The following MAST4 variants were observed in gnomAD, a reference collection of about 807,000 sequenced individuals.
MAST4 encodes the protein microtubule associated serine/threonine kinase family member 4.
Under a neutral mutation model 162.7 loss-of-function variants are expected in MAST4, and 89 were observed. The ratio of observed to expected loss-of-function variants is 0.55; its 90% CI spans 0.46 to 0.65. The LOEUF is 0.65. Among genes scored for constraint, MAST4 ranks in the 30% least tolerant of loss-of-function variants. MAST4 has a pLI of 0.00. For missense variants in MAST4, 3,153 were observed against 3,374.0 expected (o/e 0.93, Z 1.62); for synonymous variants, 1,479 against 1,361.1 (o/e 1.09, Z -1.91).
intron 4 of MAST4, among the ~76,000 whole-genome samples, chr5:67,039,237 G>A (rs1260548679): frequency 6.6e-6 from 1 of 152,122 alleles, no homozygotes; most frequent in Non-Finnish European, 1.5e-5. Flanking sequence ...GTAAGTTGAG[G>A]CATCCTAATT....
chr5:66,834,729 A>G (rs1343072427), intron 3 of MAST4, among the ~76,000 whole-genome samples: 1 of 152,172 alleles, frequency 6.6e-6, no homozygotes, highest in East Asian at 1.9e-4. Flanking sequence ...GCCATTGCCC[A>G]CTGTTGTGTG....
In MAST4 at chr5:67,142,146, C is replaced by G. The variant is rs768415374; in HGVS notation, c.2526C>G (p.Phe842Leu). Residue 842 changes from phenylalanine (F) to leucine (L), a missense_variant, in exon 20 of 29, where the codon TTC becomes TTG. Physicochemically the swap from Phe to Leu is conservative, Grantham distance 22. Transcript: ENST00000403625. The stretch of plus-strand genomic sequence containing the variant: ...CATATGAAGTCAAACAGCATCGATT[C>G]TTCCGTTCTTTAGACTGGAACAGTT... ...GGAYEVKQHR[F>L]FRSLDWNSLL... is the part of the protein sequence containing the mutation. The G allele has an allele frequency of 1.4e-5, 23 of 1,613,834 alleles. No individual in the cohort carries two copies. Among genetic ancestry groups the G allele is most frequent in the Non-Finnish European group, 1.8e-5 (21 of 1,179,834 alleles).
intron 1 of MAST4, among the ~76,000 whole-genome samples, chr5:66,644,191 A>G (rs1487680148): frequency 1.3e-5 from 2 of 152,066 alleles, no homozygotes; most frequent in African/African-American, 4.8e-5. Context: ...TGTATGAACA[A>G]TATCCATAGC....
intron 4 of MAST4, among the ~76,000 whole-genome samples, chr5:66,923,490 C>A (rs27215): frequency 0.72 from 109,059 of 152,054 alleles, 39,300 homozygotes; most frequent in Middle Eastern, 0.77. Context: ...AAAACAAAAT[C>A]ATGCAACTGG....
At chr5:67,051,733 G>A (rs911704487) in intron 4 of MAST4, among the ~76,000 whole-genome samples, 1 of 152,244 alleles carries the variant, frequency 6.6e-6, no homozygotes, top group East Asian at 1.9e-4. Flanking sequence ...ATGAAATGCT[G>A]TGTAAAGTGT....
chr5:66,963,862 T>G (rs960360182), intron 4 of MAST4: 44 of 773,040 alleles, frequency 5.7e-5, no homozygotes, highest in Admixed American at 1.2e-4. Context: ...AGCATTTGAT[T>G]ACTTCAGACT....
Position 67,089,763 on chromosome 5 carries a change from C to T in MAST4, c.764-399C>T, listed in dbSNP as rs74590427. Among the ~76,000 whole-genome samples, 1,377 of 152,304 alleles carry T rather than the reference C, an allele frequency of 9.0e-3. 19 individuals carry two copies. The highest frequency in any genetic ancestry group is 0.03 in the African/African-American group (1,240 of 41,550). ...TAAGGCTGCCTGCTAAAATGGAAAA[C>T]ACCTCCAACTGAAGCATATGCTTAC... On this transcript the variant is annotated intron_variant, in intron 5 of 28. Coordinates refer to ENST00000403625, the MANE Select transcript of MAST4 (RefSeq NM_001164664.2).
intron 4 of MAST4, among the ~76,000 whole-genome samples, chr5:66,974,733 A>G (rs141945936): frequency 1.3e-5 from 2 of 152,256 alleles, no homozygotes; most frequent in Non-Finnish European, 2.9e-5. Flanking sequence ...GAGTAGAGTA[A>G]GGGTTTTATT....
At chr5:66,974,114 C>T (rs981319218) in intron 4 of MAST4, among the ~76,000 whole-genome samples, 5 of 152,164 alleles carry the variant, frequency 3.3e-5, no homozygotes, top group African/African-American at 4.8e-5. Context: ...AGGCCTTCCC[C>T]GGCCACTCTA....
intron 26 of MAST4, among the ~76,000 whole-genome samples, chr5:67,157,854 G>A (rs1772721859): frequency 6.6e-6 from 1 of 152,162 alleles, no homozygotes. Context: ...CAACGCTTAC[G>A]ACTTGTTTGT....
chr5:67,034,498 A>T (rs183768017), intron 4 of MAST4, among the ~76,000 whole-genome samples: 1 of 152,290 alleles, frequency 6.6e-6, no homozygotes, highest in East Asian at 1.9e-4. Flanking sequence ...CTCTAGCCAG[A>T]AATTCAATAG....
intron 1 of MAST4, among the ~76,000 whole-genome samples, chr5:66,703,629 G>T (rs1371743975): frequency 7.9e-5 from 12 of 152,132 alleles, no homozygotes; most frequent in Admixed American, 7.2e-4. Context: ...TGCTCATCTT[G>T]TGTGTACCAT....
At position 67,010,773 on chromosome 5, in the gene MAST4, A is replaced by C. The variant is rs548236801; in HGVS notation, c.675-43631A>C. On this transcript the variant is annotated intron_variant, in intron 4 of 28. Coordinates refer to ENST00000403625, the MANE Select transcript of MAST4 (RefSeq NM_001164664.2). The stretch of plus-strand genomic sequence containing the variant: ...CCCCCAGCACTCCACAGAGAGTTGA[A>C]GTGAAGGTGTGTGTTGCATCTGGCA... Among the ~76,000 whole-genome samples the C allele has an allele frequency of 4.7e-4, 71 of 152,230 alleles. No individual in the cohort carries two copies. The South Asian group carries it at 0.014, about 31-fold the overall frequency.
intron 1 of MAST4, among the ~76,000 whole-genome samples, chr5:66,692,188 C>T (rs1459075861): frequency 1.3e-5 from 2 of 152,176 alleles, no homozygotes; most frequent in South Asian, 4.1e-4. Flanking sequence ...CTTGCTCTCT[C>T]TCGACCTCTT....
At chr5:66,629,142 T>C (rs565277156) in intron 1 of MAST4, among the ~76,000 whole-genome samples, 21 of 152,192 alleles carry the variant, frequency 1.4e-4, no homozygotes, top group Admixed American at 4.6e-4. Context: ...TGAGCCTGCA[T>C]TGATAATCAC....
rs145821899 is a variant in MAST4 at position 66,894,088 on chromosome 5, G to A, written c.643-5863G>A. ...CTCACACTGCTTCCCACTTGCAAAG[G>A]AAATATCTAAAAACCTGAAACTTTA... is the stretch of plus-strand genomic sequence containing the variant. On this transcript the variant is annotated intron_variant, in intron 3 of 28. Coordinates refer to ENST00000403625, the MANE Select transcript of MAST4 (RefSeq NM_001164664.2). Among the ~76,000 whole-genome samples, 323 of 152,194 alleles carry A rather than the reference G, an allele frequency of 2.1e-3. 4 individuals are homozygous for A. The highest frequency in any genetic ancestry group is 3.5e-3 in the Non-Finnish European group (236 of 68,004).
At chr5:66,724,723 C>T (rs934036994) in intron 1 of MAST4, among the ~76,000 whole-genome samples, 2 of 152,010 alleles carry the variant, frequency 1.3e-5, no homozygotes, top group African/African-American at 4.8e-5. Flanking sequence ...GTAACACAAT[C>T]ATAAGTATTT....
At position 66,734,866 on chromosome 5, in the gene MAST4, A is replaced by G. The variant is rs115845272; in HGVS notation, c.364-24843A>G. Among the ~76,000 whole-genome samples the G allele has an allele frequency of 6.0e-3, 908 of 152,164 alleles. 10 individuals carry two copies. Among genetic ancestry groups the G allele is most frequent in the African/African-American group, 0.021 (867 of 41,528 alleles). ...TATTTTCTAGCTGTCAGGACTCCCC[A>G]CCCCTTGCAGTGTTGTTCTTTCTCT... On this transcript the variant is annotated intron_variant, in intron 1 of 28. Transcript: ENST00000403625.
intron 5 of MAST4, among the ~76,000 whole-genome samples, chr5:67,078,333 GAA>G (rs35658852): frequency 4.5e-5 from 6 of 133,592 alleles, no homozygotes; most frequent in Admixed American, 7.6e-5. Flanking sequence ...GCCTTGATGT[GAA>G]AAAAAAAAAA....
Sources: allele counts gnomAD v4.1 joint callset (sites outside exome capture counted in the v4.1 genomes callset), GRCh38; gene constraint gnomAD v4.1.1; transcripts MANE v1.5; gene names NCBI Gene and HGNC (gene_info 2026-07-23, HGNC 2026-07-21).